TENM3: variants seen among roughly 807,000 people sequenced by gnomAD.
TENM3 encodes the protein teneurin transmembrane protein 3.
Under a neutral mutation model 255.1 loss-of-function variants are expected in TENM3, and 63 were observed. The ratio of observed to expected loss-of-function variants is 0.25; its 90% CI spans 0.20 to 0.30. The LOEUF is 0.30. TENM3 is among the 10% of genes least tolerant of loss of function. TENM3 has a pLI of 1.00. For missense variants in TENM3, 2,929 were observed against 3,461.1 expected (o/e 0.85, Z 3.86); for synonymous variants, 1,306 against 1,322.3 (o/e 0.99, Z 0.27).
intron 1 of TENM3, among the ~76,000 whole-genome samples, chr4:182,178,838 T>C (rs2149729044): frequency 6.6e-6 from 1 of 152,350 alleles, no homozygotes; most frequent in Non-Finnish European, 1.5e-5. Flanking sequence ...TATCAGCTTC[T>C]TAAACAGGTG....
Position 182,800,233 on chromosome 4 carries a change from C to G in TENM3, c.7982C>G (p.Ala2661Gly). The change falls in exon 28 of 28, where the codon GCC becomes GGC. Residue 2661 changes from alanine (A) to glycine (G), a missense_variant. Transcript: ENST00000511685. ...TEGEKRQLLS[A>G]GKVQGYDGYY... ...GGCGAGAAGCGGCAGCTGCTGAGCG[C>G]CGGCAAGGTGCAGGGCTACGACGGG... is the stretch of plus-strand genomic sequence containing the variant. 1 of 1,592,882 alleles carries G rather than the reference C, an allele frequency of 6.3e-7. No homozygotes were observed. Among genetic ancestry groups the G allele is most frequent in the South Asian group, 1.1e-5 (1 of 90,248 alleles).
the TENM3 span, among the ~76,000 whole-genome samples, chr4:181,514,885 A>G: frequency 2.0e-5 from 3 of 152,324 alleles, no homozygotes; most frequent in East Asian, 3.9e-4. Flanking sequence ...CATTTCCCAT[A>G]TATTACAGCA....
At chr4:181,475,374 T>C in the TENM3 span, among the ~76,000 whole-genome samples, 1 of 152,324 alleles carries the variant, frequency 6.6e-6, no homozygotes, top group South Asian at 2.1e-4. Context: ...TATTGAGCAA[T>C]TGCTGTTGCA....
chr4:182,543,808 A>G (rs930304111), intron 3 of TENM3, among the ~76,000 whole-genome samples: 4 of 152,028 alleles, frequency 2.6e-5, no homozygotes, highest in African/African-American at 7.2e-5. Flanking sequence ...AGTGCTTTAC[A>G]TACTGTCGCT....
chr4:182,597,484 A>T (rs1157896772), intron 3 of TENM3, among the ~76,000 whole-genome samples: 4 of 152,210 alleles, frequency 2.6e-5, no homozygotes, highest in South Asian at 2.1e-4. Flanking sequence ...AAAAATAGTA[A>T]TGTTTTTCAT....
chr4:182,606,704 A>G (rs1748477240), intron 4 of TENM3, among the ~76,000 whole-genome samples: 1 of 152,196 alleles, frequency 6.6e-6, no homozygotes, highest in Non-Finnish European at 1.5e-5. Flanking sequence ...AAAGATGGTT[A>G]TTAAGATAAG....
chr4:182,487,687 G>A (rs1048766177), intron 3 of TENM3, among the ~76,000 whole-genome samples: 3 of 152,084 alleles, frequency 2.0e-5, no homozygotes, highest in African/African-American at 7.2e-5. Flanking sequence ...TTTACAAAAT[G>A]TAAAATATGA....
chr4:182,388,385 C>A (rs1768155554), intron 3 of TENM3, among the ~76,000 whole-genome samples: 1 of 152,186 alleles, frequency 6.6e-6, no homozygotes, highest in African/African-American at 2.4e-5. Context: ...TTAATGTACA[C>A]CCACTTCTTC....
the TENM3 span, among the ~76,000 whole-genome samples, chr4:181,828,855 G>T: frequency 1.3e-5 from 2 of 152,266 alleles, no homozygotes; most frequent in South Asian, 4.1e-4. Context: ...CTCCCAAAGT[G>T]CTGGGATTAC....
the TENM3 span, among the ~76,000 whole-genome samples, chr4:181,709,220 G>C: frequency 1.3e-5 from 2 of 152,162 alleles, no homozygotes; most frequent in Non-Finnish European, 2.9e-5. Flanking sequence ...GATGCCTACT[G>C]TGTAGCACGT....
chr4:182,594,276 A>G (rs563840145), intron 3 of TENM3, among the ~76,000 whole-genome samples: 1 of 152,274 alleles, frequency 6.6e-6, no homozygotes, highest in East Asian at 1.9e-4. Flanking sequence ...AAGTGATAGG[A>G]TTACAGGCGT....
chr4:181,750,038 C>T, the TENM3 span, among the ~76,000 whole-genome samples: 1 of 152,186 alleles, frequency 6.6e-6, no homozygotes, highest in Non-Finnish European at 1.5e-5. Flanking sequence ...AGTGATCAGC[C>T]TCTTAACAGA....
chr4:181,564,712 A>T, the TENM3 span, among the ~76,000 whole-genome samples: 1 of 152,238 alleles, frequency 6.6e-6, no homozygotes, highest in African/African-American at 2.4e-5. Flanking sequence ...GAAAGAGTTC[A>T]TAGTTAAACC....
At chr4:182,467,522 C>T (rs1732709239) in intron 3 of TENM3, among the ~76,000 whole-genome samples, 1 of 152,088 alleles carries the variant, frequency 6.6e-6, no homozygotes, top group Non-Finnish European at 1.5e-5. Context: ...CATCATTTTT[C>T]AAGACAATAA....
At chr4:182,339,593 C>T (rs1301638288) in intron 2 of TENM3, among the ~76,000 whole-genome samples, 2 of 152,136 alleles carry the variant, frequency 1.3e-5, no homozygotes, top group African/African-American at 2.4e-5. Flanking sequence ...TAATCCTTTC[C>T]CCCTGCCTCG....
intron 1 of TENM3, among the ~76,000 whole-genome samples, chr4:182,182,688 CT>C (rs1752916544): frequency 6.6e-6 from 1 of 152,186 alleles, no homozygotes; most frequent in African/African-American, 2.4e-5. Context: ...CACTGTTTAA[CT>C]GTTGTGTGTT....
At chr4:182,621,037 A>G (rs1750078007) in intron 4 of TENM3, among the ~76,000 whole-genome samples, 2 of 152,038 alleles carry the variant, frequency 1.3e-5, no homozygotes, top group African/African-American at 4.8e-5. Context: ...AAAAATTAGC[A>G]GGACATGGTG....
At chr4:182,001,622 G>A in the TENM3 span, among the ~76,000 whole-genome samples, 1 of 151,990 alleles carries the variant, frequency 6.6e-6, no homozygotes, top group African/African-American at 2.4e-5. Context: ...TTGCTGCATA[G>A]TTGTTCTGAA....
chr4:182,268,135 CTT>C (rs2150201292), intron 1 of TENM3, among the ~76,000 whole-genome samples: 1 of 152,304 alleles, frequency 6.6e-6, no homozygotes, highest in South Asian at 2.1e-4. Flanking sequence ...CTTGAAATAA[CTT>C]TACTTATTTT....
Sources: allele counts gnomAD v4.1 joint callset (sites outside exome capture counted in the v4.1 genomes callset), GRCh38; gene constraint gnomAD v4.1.1; transcripts MANE v1.5; gene names NCBI Gene and HGNC (gene_info 2026-07-23, HGNC 2026-07-21).